The following ADAMTS19 variants were observed in gnomAD, a reference collection of about 807,000 sequenced individuals.
ADAMTS19 encodes the protein ADAM metallopeptidase with thrombospondin type 1 motif 19, also known as A disintegrin and metalloproteinase with thrombospondin motifs 19.
A neutral mutation model predicts 153.3 loss-of-function variants in ADAMTS19; 93 were observed. That is an observed-to-expected ratio of 0.61 (90% CI 0.51 to 0.72). The LOEUF (loss-of-function observed/expected upper bound fraction) is 0.72. Among genes scored for constraint, ADAMTS19 ranks in the 30% least tolerant of loss-of-function variants. ADAMTS19 has a pLI of 0.00. For missense variants in ADAMTS19, 1,482 were observed against 1,552.1 expected, an observed-to-expected ratio of 0.95 and a Z score of 0.76; for synonymous variants, 600 against 556.6, an observed-to-expected ratio of 1.08 and a Z score of -1.10.
intron 7 of ADAMTS19, among the ~76,000 whole-genome samples, chr5:129,579,239 T>A (rs1749380135): frequency 6.6e-6 from 1 of 152,262 alleles, no homozygotes. Context: ...ATAAATGTCT[T>A]CTTTTGAGAA....
At chr5:129,495,370 A>G (rs1355751345) in intron 2 of ADAMTS19, among the ~76,000 whole-genome samples, 2 of 152,142 alleles carry the variant, frequency 1.3e-5, no homozygotes, top group African/African-American at 4.8e-5. Flanking sequence ...CATACGCTAC[A>G]GAACATCCAA....
In ADAMTS19 at chr5:129,576,876, C is replaced by G. The variant is rs150376560; in HGVS notation, c.1373-19683C>G. 7.2e-3 allele frequency among the ~76,000 whole-genome samples: 1,103 copies of G among 152,218 alleles called. 13 individuals are homozygous for G. The highest frequency in any genetic ancestry group is 0.025 in the African/African-American group (1,048 of 41,540). The stretch of plus-strand genomic sequence containing the variant: ...TACACCACAATTTTTTATCTTTCCC[C>G]TGATGCTTACCCTACTAGCTTGTAC... On this transcript the variant is annotated intron_variant, in intron 7 of 22. Coordinates refer to ENST00000274487, the MANE Select transcript of ADAMTS19 (RefSeq NM_133638.6).
chr5:129,555,842 C>T (rs7443887), intron 7 of ADAMTS19, among the ~76,000 whole-genome samples: 9,274 of 152,146 alleles, frequency 0.061, 419 homozygotes, highest in Non-Finnish European at 0.088. Context: ...AATGTGAGAA[C>T]ACTGTCTTCA....
chr5:129,565,581 T>C (rs916624878), intron 7 of ADAMTS19, among the ~76,000 whole-genome samples: 4 of 152,198 alleles, frequency 2.6e-5, no homozygotes, highest in East Asian at 1.9e-4. Flanking sequence ...ATGCTAGAAA[T>C]AGAGTGGTGC....
In ADAMTS19 at chr5:129,735,031, C is replaced by T. The variant is rs1303417490; in HGVS notation, c.3412C>T (p.Pro1138Ser). 6.2e-7 allele frequency: 1 copy of T among 1,611,772 alleles called. No homozygotes were observed. The part of the protein sequence containing the change: ...HGNECFSSEK[P>S]AAYRPCHLQP... Reference sequence around the variant, plus strand: ...AAATGAATGTTTTTCCTCAGAAAAACCTGCAGCATACAGGCCATGCCATCT... The same window carrying T: ...AAATGAATGTTTTTCCTCAGAAAAATCTGCAGCATACAGGCCATGCCATCT... The change falls in exon 22 of 23, where the codon CCT (proline) becomes TCT (serine). Residue 1138 changes from proline (P) to serine (S), a missense_variant. Physicochemically the swap from Pro to Ser is moderately conservative, Grantham distance 74 (BLOSUM62 -1). Transcript: ENST00000274487.
chr5:129,501,179 G>A (rs1055494080), intron 2 of ADAMTS19, among the ~76,000 whole-genome samples: 1 of 152,068 alleles, frequency 6.6e-6, no homozygotes, highest in African/African-American at 2.4e-5. Flanking sequence ...AGAAAAGATT[G>A]TAGGAAAGAA....
At chr5:129,511,685 G>A (rs1381665524) in intron 3 of ADAMTS19, among the ~76,000 whole-genome samples, 1 of 151,274 alleles carries the variant, frequency 6.6e-6, no homozygotes, top group Non-Finnish European at 1.5e-5. Flanking sequence ...AACTTATTAA[G>A]ACTAGAGGGA....
At chr5:129,572,803 G>A (rs955873256) in intron 7 of ADAMTS19, among the ~76,000 whole-genome samples, 8 of 151,910 alleles carry the variant, frequency 5.3e-5, no homozygotes, top group African/African-American at 1.9e-4. Context: ...GAAGTTTTGG[G>A]GTGTGATGGA....
intron 6 of ADAMTS19, among the ~76,000 whole-genome samples, chr5:129,533,667 G>C (rs1003146217): frequency 6.6e-6 from 1 of 152,046 alleles, no homozygotes; most frequent in Non-Finnish European, 1.5e-5. Context: ...TGCTTCTCTA[G>C]TTCTTTTAAT....
chr5:129,728,735 T>C (rs1318089140), intron 21 of ADAMTS19, among the ~76,000 whole-genome samples: 1 of 152,182 alleles, frequency 6.6e-6, no homozygotes, highest in African/African-American at 2.4e-5. Flanking sequence ...TGATTTTATG[T>C]CATTGTGTTT....
intron 12 of ADAMTS19, 100 bp from the exon 13 acceptor site, chr5:129,648,698 T>C: frequency 1.1e-6 from 1 of 879,810 alleles, no homozygotes; most frequent in South Asian, 2.1e-5. Context: ...GTAAATATAA[T>C]ATAAGGGGTT....
At chr5:129,718,958 G>A (rs1369021239) in intron 21 of ADAMTS19, among the ~76,000 whole-genome samples, 1 of 152,144 alleles carries the variant, frequency 6.6e-6, no homozygotes, top group Non-Finnish European at 1.5e-5. Flanking sequence ...TTGGCCTGGA[G>A]AATACACATT....
chr5:129,674,365 C>T (rs30658), intron 16 of ADAMTS19, among the ~76,000 whole-genome samples: 110,299 of 151,954 alleles, frequency 0.73, 40,601 homozygotes, highest in Non-Finnish European at 0.8. Context: ...TTTTCTTTAG[C>T]CTGACAATCT....
intron 9 of ADAMTS19, among the ~76,000 whole-genome samples, chr5:129,621,153 A>G (rs552593930): frequency 2.8e-4 from 42 of 152,266 alleles, no homozygotes; most frequent in African/African-American, 9.9e-4. Context: ...TTTGTAATAC[A>G]TCTACACTTC....
chr5:129,485,314 C>A (rs1750552777), intron 2 of ADAMTS19, among the ~76,000 whole-genome samples: 1 of 151,978 alleles, frequency 6.6e-6, no homozygotes, highest in Non-Finnish European at 1.5e-5. Context: ...AAAATGAGAG[C>A]AAAATGTCTC....
intron 10 of ADAMTS19, among the ~76,000 whole-genome samples, chr5:129,638,568 CACACACAT>C (rs201541614): frequency 0.039 from 2,967 of 75,980 alleles, 33 homozygotes; most frequent in African/African-American, 0.11. Flanking sequence ...GTCTCACACA[CACACACAT>C]ACACACACAC....
intron 2 of ADAMTS19, among the ~76,000 whole-genome samples, chr5:129,492,506 AGT>A (rs148015134): frequency 0.035 from 5,165 of 145,974 alleles, 128 homozygotes; most frequent in Middle Eastern, 0.077. Context: ...ATTAAAGGTC[AGT>A]GTGTGTGTGT....
rs756656095 is a variant in ADAMTS19 at position 129,647,843 on chromosome 5, T to C, written c.1951T>C (p.Cys651Arg). The C allele has an allele frequency of 3.1e-6, 5 of 1,614,076 alleles. No individual in the cohort carries two copies. The highest frequency in any genetic ancestry group is 1.3e-5 in the African/African-American group (1 of 75,036). The change falls in exon 12 of 23, where the codon TGT becomes CGT. Residue 651 changes from cysteine (C) to arginine (R), a missense_variant. Cys to Arg is a radical substitution (Grantham distance 180, BLOSUM62 -3). Transcript: ENST00000274487. ...CGGAGAGTGGAGCCTGTGGAGTCCT[T>C]GTAGCCGAACCTGCAGTGCTGGGAT... is the stretch of plus-strand genomic sequence containing the variant. The part of the protein sequence containing the change: ...LAGEWSLWSP[C>R]SRTCSAGISS...
At chr5:129,717,759 T>C (rs1756797076) in intron 21 of ADAMTS19, among the ~76,000 whole-genome samples, 1 of 152,206 alleles carries the variant, frequency 6.6e-6, no homozygotes, top group Admixed American at 6.5e-5. Context: ...GTGTTTATTC[T>C]AAGTTGGAAT....
Sources: gnomAD v4.1 joint callset for allele counts (sites outside exome capture counted in the v4.1 genomes callset) on GRCh38, gnomAD v4.1.1 for gene constraint, MANE v1.5 for transcripts, NCBI Gene and HGNC (gene_info 2026-07-23, HGNC 2026-07-21) for gene names.